CNTNAP3: variants seen among roughly 807,000 people sequenced by gnomAD.
CNTNAP3 encodes contactin-associated protein-like 3.
A neutral mutation model predicts 92.1 loss-of-function variants in CNTNAP3; 36 were observed. That is an observed-to-expected ratio of 0.39 (90% CI 0.30 to 0.52). The LOEUF (loss-of-function observed/expected upper bound fraction) is 0.52. Among genes scored for constraint, CNTNAP3 ranks in the 20% least tolerant of loss-of-function variants. The probability of loss-of-function intolerance (pLI) is 0.76; values close to 1 mark genes in which losing one functional copy is unlikely to be tolerated. For missense variants in CNTNAP3, 534 were observed against 1,069.6 expected, an observed-to-expected ratio of 0.50 and a Z score of 6.98; for synonymous variants, 232 against 422.3, an observed-to-expected ratio of 0.55 and a Z score of 5.53.
intron 18 of CNTNAP3, among the ~76,000 whole-genome samples, chr9:39,096,401 CT>C (rs1826326500): frequency 6.6e-6 from 1 of 151,728 alleles, no homozygotes; most frequent in African/African-American, 2.4e-5. Context: ...TATTTACTAT[CT>C]TTTTTAATTT....
At chr9:39,096,070 C>CGGG (rs768993195) in intron 18 of CNTNAP3, among the ~76,000 whole-genome samples, 170 of 140,144 alleles carry the variant, frequency 1.2e-3, no homozygotes, top group South Asian at 2.1e-3. Flanking sequence ...TCCCATCTGT[C>CGGG]TCCTCTGTGC....
chr9:39,118,232 C>T lies in CNTNAP3; in HGVS notation c.2108G>A (p.Gly703Glu), dbSNP rs774399464. 1.9e-6 allele frequency: 3 copies of T among 1,611,170 alleles called. No individual in the cohort carries two copies. ...GGAAGTGTGTGTTTCATTGGTTCTT[C>T]CAACCCACCAGCTCAGTGGGGTTCC... ...RDGTPLSWWVGRTNETHTSWG... is the reference protein window; with the variant it reads ...RDGTPLSWWVERTNETHTSWG... The change falls in exon 14 of 24, where the codon GGA becomes GAA. Residue 703 changes from glycine (G) to glutamate (E), a missense_variant. Transcript: ENST00000297668.
At chr9:39,128,939 A>G (rs1821212620) in intron 13 of CNTNAP3, among the ~76,000 whole-genome samples, 1 of 151,816 alleles carries the variant, frequency 6.6e-6, no homozygotes, top group Non-Finnish European at 1.5e-5. Context: ...AAGCATACTT[A>G]TAAAACATAT....
At chr9:39,107,097 A>C (rs1407399378) in intron 15 of CNTNAP3, among the ~76,000 whole-genome samples, 1 of 152,118 alleles carries the variant, frequency 6.6e-6, no homozygotes, top group Admixed American at 6.6e-5. Flanking sequence ...ATTCAACTCC[A>C]TTCCATATAA....
chr9:39,113,501 T>C (rs1047377803), intron 14 of CNTNAP3, among the ~76,000 whole-genome samples: 7 of 151,880 alleles, frequency 4.6e-5, no homozygotes, highest in African/African-American at 1.7e-4. Flanking sequence ...TGAACTCTCA[T>C]TTTTCCTGAT....
intron 15 of CNTNAP3, among the ~76,000 whole-genome samples, chr9:39,104,403 T>A (rs1439665530): frequency 6.6e-6 from 1 of 151,134 alleles, no homozygotes; most frequent in African/African-American, 2.4e-5. Flanking sequence ...AAGTGGAGAT[T>A]TGAAGGAGGT....
At chr9:39,134,855 A>C (rs2872987) in intron 12 of CNTNAP3, among the ~76,000 whole-genome samples, 1 of 152,206 alleles carries the variant, frequency 6.6e-6, no homozygotes, top group African/African-American at 2.4e-5. Context: ...ATTGAAGATG[A>C]TCAACCACAT....
intron 9 of CNTNAP3, among the ~76,000 whole-genome samples, chr9:39,161,695 T>TAATAAAAAA: frequency 7.8e-6 from 1 of 127,666 alleles, no homozygotes; most frequent in South Asian, 2.5e-4. Flanking sequence ...ATAATAATAA[T>TAATAAAAAA]AAATTAGCTG....
intron 21 of CNTNAP3, among the ~76,000 whole-genome samples, chr9:39,082,471 C>A (rs1041444765): frequency 1.4e-5 from 2 of 140,166 alleles, no homozygotes; most frequent in African/African-American, 2.5e-5. Context: ...GAAAAAAAAA[C>A]CCACAAAATC....
intron 2 of CNTNAP3, among the ~76,000 whole-genome samples, chr9:39,248,408 A>G (rs1393885268): frequency 2.1e-4 from 1 of 4,716 alleles, no homozygotes; most frequent in African/African-American, 2.3e-4. Context: ...TGATTCAGTT[A>G]TCTCCCACTG....
chr9:39,147,432 C>T (rs142846365), intron 10 of CNTNAP3, among the ~76,000 whole-genome samples: 224 of 152,198 alleles, frequency 1.5e-3, no homozygotes, highest in African/African-American at 5.2e-3. Flanking sequence ...TTTGTGTCCC[C>T]AAAGTTTTCT....
At chr9:39,083,913 G>C (rs1188649515) in intron 21 of CNTNAP3, among the ~76,000 whole-genome samples, 1 of 151,644 alleles carries the variant, frequency 6.6e-6, no homozygotes, top group African/African-American at 2.4e-5. Context: ...CAATCTGAAT[G>C]GTCTTCATTC....
rs1825569288 is a variant in CNTNAP3 at position 39,068,725 on chromosome 9, A to T, written c.*5165T>A. Among the ~76,000 whole-genome samples the T allele has an allele frequency of 6.6e-6, 1 of 152,420 alleles. No individual in the cohort carries two copies. The highest frequency in any genetic ancestry group is 2.4e-5 in the African/African-American group (1 of 41,600). On this transcript the variant is annotated 3_prime_UTR_variant, in exon 24 of 24. Coordinates refer to ENST00000297668, the MANE Select transcript of CNTNAP3 (RefSeq NM_033655.5). ...CTGAACTCTCAGCAACAGCTACTCC[A>T]TTCAGAGACTTGCTAGGCTTCCTTA...
intron 15 of CNTNAP3, among the ~76,000 whole-genome samples, chr9:39,105,305 T>C (rs1826576316): frequency 6.6e-6 from 1 of 152,138 alleles, no homozygotes; most frequent in Non-Finnish European, 1.5e-5. Context: ...TGGGTGCCTG[T>C]AGTCCCAGCT....
At chr9:39,149,625 G>T (rs963624331) in intron 10 of CNTNAP3, among the ~76,000 whole-genome samples, 181 bp downstream of exon 10, 8 of 151,924 alleles carry the variant, frequency 5.3e-5, no homozygotes, top group African/African-American at 1.9e-4. Flanking sequence ...TTACAGGTGT[G>T]AGCCACCGCG....
At chr9:39,217,330 C>T in intron 3 of CNTNAP3, among the ~76,000 whole-genome samples, 1 of 6,098 alleles carries the variant, frequency 1.6e-4, no homozygotes, top group African/African-American at 2.3e-4. Flanking sequence ...CTTATGTGTC[C>T]TTCTAGAAAT....
chr9:39,255,730 T>A (rs1255242593), intron 2 of CNTNAP3, among the ~76,000 whole-genome samples: 1 of 35,384 alleles, frequency 2.8e-5, no homozygotes, highest in Non-Finnish European at 8.7e-5. Context: ...CCTTCCCAAA[T>A]GAAAACGCTG....
At chr9:39,098,486 C>T (rs913212899) in intron 18 of CNTNAP3, among the ~76,000 whole-genome samples, 3 of 152,056 alleles carry the variant, frequency 2.0e-5, no homozygotes, top group African/African-American at 7.2e-5. Context: ...GACCATTTTC[C>T]ATTTACTTAC....
intron 13 of CNTNAP3, among the ~76,000 whole-genome samples, chr9:39,124,800 A>G (rs1181360840): frequency 1.3e-5 from 2 of 152,228 alleles, no homozygotes; most frequent in Non-Finnish European, 2.9e-5. Flanking sequence ...AATCAAAACT[A>G]CAATGAGATA....
Sources: allele counts gnomAD v4.1 joint callset (sites outside exome capture counted in the v4.1 genomes callset), GRCh38; gene constraint gnomAD v4.1.1; transcripts MANE v1.5; gene names NCBI Gene and HGNC (gene_info 2026-07-23, HGNC 2026-07-21).